Variants in SOX6 observed in about 807,000 individuals in gnomAD.
SOX6 encodes SRY-box transcription factor 6, also known as transcription factor SOX-6.
A neutral mutation model predicts 97.8 loss-of-function variants in SOX6; 11 were observed. The observed-to-expected ratio is 0.11, with a 90% CI of 0.07 to 0.19. The LOEUF (loss-of-function observed/expected upper bound fraction) is 0.19, where lower values mean the gene tolerates loss of function less well. Among genes scored for constraint, SOX6 ranks in the 10% least tolerant of loss-of-function variants. The pLI is 1.00. For synonymous variants in SOX6, 360 were observed against 371.4 expected (o/e 0.97, Z 0.35); for missense variants, 810 against 1,039.5 (o/e 0.78, Z 3.04).
intron 13 of SOX6, among the ~76,000 whole-genome samples, chr11:16,010,089 A>T (rs956220905): frequency 4.0e-5 from 6 of 150,942 alleles, no homozygotes; most frequent in Non-Finnish European, 8.8e-5. Flanking sequence ...AATAAAAAAA[A>T]TATCCTGAGA....
At chr11:16,708,739 G>C (rs1848155301) in intron 3 of SOX6, among the ~76,000 whole-genome samples, 1 of 152,138 alleles carries the variant, frequency 6.6e-6, no homozygotes, top group Admixed American at 6.6e-5. Flanking sequence ...TACATGATCG[G>C]TAAATAAAGA....
chr11:16,150,222 G>T (rs1850424427), intron 6 of SOX6, among the ~76,000 whole-genome samples: 1 of 152,114 alleles, frequency 6.6e-6, no homozygotes, highest in African/African-American at 2.4e-5. Context: ...GGTAAAAAAG[G>T]TTACATTTCT....
At chr11:16,699,722 C>T (rs1194579489) in intron 3 of SOX6, among the ~76,000 whole-genome samples, 1 of 151,982 alleles carries the variant, frequency 6.6e-6, no homozygotes, top group Non-Finnish European at 1.5e-5. Flanking sequence ...CAATAAGACA[C>T]ATACAAATAC....
At chr11:16,046,728 T>G in intron 11 of SOX6, 27 bp from the exon 12 acceptor site, 1 of 1,608,592 alleles carries the variant, frequency 6.2e-7, no homozygotes, top group Non-Finnish European at 8.5e-7. Flanking sequence ...CATTATTAGA[T>G]GCTTGTGAGG....
At chr11:16,303,174 G>A (rs1855318120) in intron 3 of SOX6, among the ~76,000 whole-genome samples, 1 of 152,134 alleles carries the variant, frequency 6.6e-6, no homozygotes, top group Admixed American at 6.5e-5. Context: ...AGATGAAGAG[G>A]CATTCTCTAA....
chr11:16,324,165 A>G (rs1204914514), intron 2 of SOX6, among the ~76,000 whole-genome samples: 2 of 152,014 alleles, frequency 1.3e-5, no homozygotes, highest in African/African-American at 4.8e-5. Flanking sequence ...GCCTGGGCAA[A>G]CAAGCCAGAC....
chr11:16,652,293 TG>T (rs1374416359), intron 3 of SOX6, among the ~76,000 whole-genome samples: 5 of 151,988 alleles, frequency 3.3e-5, no homozygotes, highest in Non-Finnish European at 5.9e-5. Context: ...AAAAAGACCT[TG>T]CATAGCCAAA....
intron 3 of SOX6, among the ~76,000 whole-genome samples, chr11:16,633,833 A>G (rs1848746402): frequency 6.6e-6 from 1 of 152,246 alleles, no homozygotes; most frequent in Non-Finnish European, 1.5e-5. Context: ...GCTGTTCCCA[A>G]TCAAAGGCAA....
chr11:15,996,145 G>A (rs1397563247), intron 13 of SOX6, among the ~76,000 whole-genome samples: 2 of 151,980 alleles, frequency 1.3e-5, no homozygotes, highest in African/African-American at 4.8e-5. Context: ...ATATAACATC[G>A]TATTGTGGGA....
chr11:16,410,724 ACTCTAGC>A (rs1858788944), intron 1 of SOX6, among the ~76,000 whole-genome samples: 1 of 142,960 alleles, frequency 7.0e-6, no homozygotes, highest in Admixed American at 7.4e-5. Flanking sequence ...ATGCCACTGC[ACTCTAGC>A]CTGGGCAACA....
At chr11:16,645,940 A>C (rs1849007015) in intron 3 of SOX6, 1 of 152,256 alleles carries the variant, frequency 6.6e-6, no homozygotes. Context: ...ATTTAAAAAA[A>C]AAACAAACTC....
At chr11:16,011,632 T>C (rs1854728768) in intron 13 of SOX6, among the ~76,000 whole-genome samples, 1 of 152,076 alleles carries the variant, frequency 6.6e-6, no homozygotes, top group African/African-American at 2.4e-5. Context: ...TACTAAGTGA[T>C]ATTGTCATTT....
At chr11:16,392,207 T>C (rs972811680) in intron 1 of SOX6, among the ~76,000 whole-genome samples, 1 of 152,118 alleles carries the variant, frequency 6.6e-6, no homozygotes, top group African/African-American at 2.4e-5. Context: ...TCTGAAAGGA[T>C]ACAAAGAAAA....
intron 7 of SOX6, among the ~76,000 whole-genome samples, chr11:16,105,588 C>A (rs1157794340): frequency 2.0e-5 from 3 of 152,034 alleles, no homozygotes; most frequent in Non-Finnish European, 4.4e-5. Flanking sequence ...AAACAAACAT[C>A]CACAGCTAAC....
chr11:16,522,309 C>A (rs925100466), intron 4 of SOX6, among the ~76,000 whole-genome samples: 1 of 152,102 alleles, frequency 6.6e-6, no homozygotes, highest in Non-Finnish European at 1.5e-5. Flanking sequence ...ACCCAGAAGA[C>A]AGTGGGGGCC....
At chr11:16,525,947 C>G (rs1415040087) in intron 4 of SOX6, among the ~76,000 whole-genome samples, 1 of 152,184 alleles carries the variant, frequency 6.6e-6, no homozygotes, top group Non-Finnish European at 1.5e-5. Context: ...CCATCTCACA[C>G]CAGTTAGAGT....
chr11:16,590,293 G>A (rs1309497354), intron 4 of SOX6, among the ~76,000 whole-genome samples: 1 of 152,252 alleles, frequency 6.6e-6, no homozygotes, highest in East Asian at 1.9e-4. Context: ...AATTTTTAGT[G>A]AGCCATTTAA....
Position 16,341,258 on chromosome 11 carries a change from G to C in SOX6, c.-4-6C>G. ...CTTGCTTGGAAGACATTCTTCTGCA[G>C]AAAAAAAACAGAACGGATTAAAAAT... is the stretch of plus-strand genomic sequence containing the variant. On this transcript the variant is annotated splice_polypyrimidine_tract_variant and splice_region_variant and intron_variant, in intron 1 of 15. Coordinates refer to ENST00000683767, the MANE Select transcript of SOX6 (RefSeq NM_001367873.1). The C allele has an allele frequency of 1.9e-6, 3 of 1,609,240 alleles. No homozygotes were observed. The highest frequency in any genetic ancestry group is 1.1e-5 in the South Asian group (1 of 90,710).
At chr11:16,584,480 T>C (rs1008312399) in intron 4 of SOX6, among the ~76,000 whole-genome samples, 4 of 152,176 alleles carry the variant, frequency 2.6e-5, no homozygotes, top group Non-Finnish European at 5.9e-5. Context: ...AAATAGCATA[T>C]CATCTATCCG....
Sources: gnomAD v4.1 joint callset for allele counts (sites outside exome capture counted in the v4.1 genomes callset) on GRCh38, gnomAD v4.1.1 for gene constraint, MANE v1.5 for transcripts, NCBI Gene and HGNC (gene_info 2026-07-23, HGNC 2026-07-21) for gene names.